TSPAN9: variants seen among roughly 807,000 people sequenced by gnomAD.
TSPAN9 encodes the protein tetraspanin 9.
In TSPAN9, 16 loss-of-function variants were observed where a neutral mutation model predicts 31.0. The ratio of observed to expected loss-of-function variants is 0.52; its 90% confidence interval spans 0.35 to 0.78. TSPAN9 has a LOEUF of 0.78. Ranked by LOEUF, TSPAN9 falls within the 30% of genes least tolerant of loss-of-function variation. The pLI is 0.01. For missense variants in TSPAN9, 272 were observed against 312.5 expected, an observed-to-expected ratio of 0.87 and a Z score of 0.98; for synonymous variants, 145 against 121.6, an observed-to-expected ratio of 1.19 and a Z score of -1.27.
At chr12:3,260,606 T>C (rs1862430783) in intron 3 of TSPAN9, among the ~76,000 whole-genome samples, 1 of 152,184 alleles carries the variant, frequency 6.6e-6, no homozygotes, top group Non-Finnish European at 1.5e-5. Flanking sequence ...AGATGCAAAA[T>C]GAGCAAGATC....
chr12:3,206,143 G>A (rs1476328653), intron 3 of TSPAN9: 3 of 383,824 alleles, frequency 7.8e-6, no homozygotes, highest in Non-Finnish European at 1.6e-5. Flanking sequence ...ATCTCCATGT[G>A]CCTGGCTGCC....
intron 2 of TSPAN9, among the ~76,000 whole-genome samples, chr12:3,103,655 A>T (rs1423177297): frequency 1.3e-5 from 2 of 152,156 alleles, no homozygotes; most frequent in East Asian, 3.8e-4. Context: ...CTTGGCTGTG[A>T]CTTTGGGAAG....
chr12:3,180,235 G>T (rs1230824792), intron 2 of TSPAN9, among the ~76,000 whole-genome samples: 2 of 152,086 alleles, frequency 1.3e-5, no homozygotes, highest in Non-Finnish European at 2.9e-5. Context: ...TACTCTTCTG[G>T]GCTCGGCACA....
At chr12:3,180,785 A>G (rs748522836) in intron 2 of TSPAN9, among the ~76,000 whole-genome samples, 6 of 152,178 alleles carry the variant, frequency 3.9e-5, no homozygotes, top group Admixed American at 3.9e-4. Context: ...TCACCTTTCT[A>G]AAATAAATTT....
rs117163050 is a variant in TSPAN9 at position 3,243,208 on chromosome 12, C to T, written c.64-35213C>T. On this transcript the variant is annotated intron_variant, in intron 3 of 8. Transcript: ENST00000011898. ...CCTTCCCTGTACCCGAGTTACTGTC[C>T]GTGGTTGAGTTCCCCATCTCGTTGT... Among the ~76,000 whole-genome samples the T allele has an allele frequency of 9.6e-3, 1,469 of 152,286 alleles. 9 individuals carry two copies. Among genetic ancestry groups the T allele is most frequent in the Non-Finnish European group, 0.013 (901 of 68,030 alleles).
At chr12:3,174,758 A>T (rs558310177) in intron 2 of TSPAN9, among the ~76,000 whole-genome samples, 1 of 124,002 alleles carries the variant, frequency 8.1e-6, no homozygotes. Flanking sequence ...AATTTTTTGT[A>T]TTTTTAGTAG....
chr12:3,152,421 G>A (rs1411245316), intron 2 of TSPAN9, among the ~76,000 whole-genome samples: 10 of 152,190 alleles, frequency 6.6e-5, no homozygotes, highest in Admixed American at 4.6e-4. Flanking sequence ...TGACACACCT[G>A]CCCCCACTTG....
At chr12:3,274,212 A>G (rs1862740907) in intron 3 of TSPAN9, among the ~76,000 whole-genome samples, 1 of 152,186 alleles carries the variant, frequency 6.6e-6, no homozygotes, top group South Asian at 2.1e-4. Context: ...CAGACATGCC[A>G]CATGTTCCCT....
At chr12:3,241,629 G>A (rs113867519) in intron 3 of TSPAN9, among the ~76,000 whole-genome samples, 13,704 of 152,282 alleles carry the variant, frequency 0.09, 658 homozygotes, top group Middle Eastern at 0.15. Context: ...TTCTGGGCTC[G>A]TTTCTTCCCC....
chr12:3,244,842 T>C lies in TSPAN9; in HGVS notation c.64-33579T>C, dbSNP rs1445562422. The stretch of plus-strand genomic sequence containing the variant: ...GGTGGAGTCGGGAGCCTCGAGGGTT[T>C]TCCCTGCTGAGGCTCTTCCTCCCCT... On this transcript the variant is annotated intron_variant, in intron 3 of 8. Coordinates refer to ENST00000011898, the MANE Select transcript of TSPAN9 (RefSeq NM_006675.5). Among the ~76,000 whole-genome samples, 3 of 152,206 alleles carry C rather than the reference T, an allele frequency of 2.0e-5. No individual in the cohort carries two copies. In the East Asian group the frequency reaches 5.8e-4, roughly 30 times the overall value.
At chr12:3,155,253 GATGAA>G (rs2098341654) in intron 2 of TSPAN9, among the ~76,000 whole-genome samples, 2 of 152,150 alleles carry the variant, frequency 1.3e-5, no homozygotes, top group Non-Finnish European at 2.9e-5. Flanking sequence ...AGCATAAAGT[GATGAA>G]ATTAATAAAA....
At chr12:3,121,118 A>G (rs1347985891) in intron 2 of TSPAN9, among the ~76,000 whole-genome samples, 2 of 152,222 alleles carry the variant, frequency 1.3e-5, no homozygotes, top group African/African-American at 4.8e-5. Context: ...CATAGTTAAT[A>G]GTCACCATTT....
At chr12:3,282,123 A>G (rs894770796) in intron 8 of TSPAN9, 18 of 627,482 alleles carry the variant, frequency 2.9e-5, no homozygotes, top group Admixed American at 2.9e-4. Flanking sequence ...TCAGAGAGCC[A>G]TGCAAGACAC....
intron 3 of TSPAN9, among the ~76,000 whole-genome samples, chr12:3,250,265 C>G (rs1213762287): frequency 5.9e-5 from 9 of 152,200 alleles, no homozygotes; most frequent in Admixed American, 5.9e-4. Flanking sequence ...CTCAGACGCC[C>G]TTTATTTGTC....
intron 2 of TSPAN9, among the ~76,000 whole-genome samples, chr12:3,093,332 GC>G (rs1306738425): frequency 6.6e-6 from 1 of 152,162 alleles, no homozygotes; most frequent in African/African-American, 2.4e-5. Context: ...TTGAGTGTGA[GC>G]CCCCCATCCT....
At chr12:3,228,237 C>T (rs527349607) in intron 3 of TSPAN9, among the ~76,000 whole-genome samples, 6 of 152,262 alleles carry the variant, frequency 3.9e-5, no homozygotes, top group African/African-American at 1.2e-4. Context: ...CTGTGGCATG[C>T]ACCTGTAATC....
chr12:3,103,844 T>C (rs1033264091), intron 2 of TSPAN9, among the ~76,000 whole-genome samples: 1 of 152,200 alleles, frequency 6.6e-6, no homozygotes, highest in Non-Finnish European at 1.5e-5. Flanking sequence ...GCTCTGGGGC[T>C]GCAGGAGTGA....
chr12:3,203,175 A>G (rs2098372991), intron 3 of TSPAN9, among the ~76,000 whole-genome samples: 1 of 147,320 alleles, frequency 6.8e-6, no homozygotes. Context: ...TGCTGGCCGG[A>G]GTTGGTATAA....
At chr12:3,091,908 C>T (rs186255055) in intron 2 of TSPAN9, among the ~76,000 whole-genome samples, 12 of 152,324 alleles carry the variant, frequency 7.9e-5, no homozygotes, top group African/African-American at 2.9e-4. Flanking sequence ...CCCTTGGGAG[C>T]TCCCAGTGCC....
Sources: gnomAD v4.1 joint callset for allele counts (sites outside exome capture counted in the v4.1 genomes callset) on GRCh38, gnomAD v4.1.1 for gene constraint, MANE v1.5 for transcripts, NCBI Gene and HGNC (gene_info 2026-07-23, HGNC 2026-07-21) for gene names.